Variants in MYO19 observed in about 807,000 individuals in gnomAD.
MYO19 encodes myosin XIX, also known as unconventional myosin-XIX.
In MYO19, 132 loss-of-function variants were observed where a neutral mutation model predicts 129.2. That is an observed-to-expected ratio of 1.02 (90% CI 0.89 to 1.18). The LOEUF (loss-of-function observed/expected upper bound fraction) is 1.18. MYO19 is among the 50% of genes most tolerant of loss of function. MYO19 has a pLI of 0.00. For synonymous variants in MYO19, 531 were observed against 477.2 expected, an observed-to-expected ratio of 1.11 and a Z score of -1.47; for missense variants, 1,210 against 1,216.7, an observed-to-expected ratio of 0.99 and a Z score of 0.08.
intron 3 of MYO19, among the ~76,000 whole-genome samples, chr17:36,530,088 A>C (rs2073735632): frequency 6.6e-6 from 1 of 152,170 alleles, no homozygotes; most frequent in Non-Finnish European, 1.5e-5. Context: ...CCAGCTGGCC[A>C]TAGTGGCTTA....
intron 3 of MYO19, 51 bp from the exon 4 acceptor site, chr17:36,528,253 A>T: frequency 6.5e-7 from 1 of 1,535,026 alleles, no homozygotes; most frequent in Non-Finnish European, 8.8e-7. Context: ...TCATGCCTAT[A>T]ATCCCAGCAC....
chr17:36,499,155 G>C lies in MYO19; in HGVS notation c.2383C>G (p.Arg795Gly). Residue 795 changes from arginine to glycine, a missense_variant, in exon 24 of 26, where the codon CGT becomes GGT. Transcript: ENST00000614623. ...ATGTGTTTCCGAGTTAACCAGGAACGAATGGCTAAGAGGTTTGCCCAGAAA... is the reference window on the plus strand; with the variant it reads ...ATGTGTTTCCGAGTTAACCAGGAACCAATGGCTAAGAGGTTTGCCCAGAAA... ...RAVMLIQAAI[R>G]SWLTRKHIQR... The C allele has an allele frequency of 6.2e-7, 1 of 1,602,818 alleles. No homozygotes were observed. Among genetic ancestry groups the C allele is most frequent in the Non-Finnish European group, 8.5e-7 (1 of 1,174,142 alleles).
intron 25 of MYO19, chr17:36,497,505 C>T (rs1192572277): frequency 1.0e-6 from 1 of 983,480 alleles, no homozygotes; most frequent in South Asian, 4.7e-5. Context: ...TATTTGCTCT[C>T]AAGTCTTGGG....
chr17:36,529,849 C>G (rs1336900087), intron 3 of MYO19, among the ~76,000 whole-genome samples: 1 of 152,162 alleles, frequency 6.6e-6, no homozygotes, highest in African/African-American at 2.4e-5. Flanking sequence ...TGAATCCTGA[C>G]TCTATCTCTT....
intron 6 of MYO19, among the ~76,000 whole-genome samples, chr17:36,520,007 C>CT (rs35833566): frequency 2.9e-4 from 44 of 151,290 alleles, no homozygotes; most frequent in Middle Eastern, 3.4e-3. Context: ...ACTTTTTTTC[C>CT]TTTTTTTTGA....
chr17:36,508,024 T>C (rs1309801108), intron 14 of MYO19, 100 bp from the exon 15 acceptor site: 19 of 1,309,300 alleles, frequency 1.5e-5, no homozygotes, highest in Admixed American at 3.0e-5. Context: ...CAATGCCTTA[T>C]ACTTGGCAGC....
intron 3 of MYO19, among the ~76,000 whole-genome samples, chr17:36,531,600 GA>G (rs958979919): frequency 3.1e-4 from 46 of 148,842 alleles, no homozygotes; most frequent in Admixed American, 5.3e-4. Context: ...TTTAATAAGA[GA>G]AAAAAAAAGT....
chr17:36,537,355 G>C, upstream of MYO19: 2 of 1,613,768 alleles, frequency 1.2e-6, no homozygotes, highest in Non-Finnish European at 1.7e-6. Flanking sequence ...GAGCTTCTCG[G>C]TGTAATTATC....
chr17:36,509,566 C>T (rs1272080547), intron 13 of MYO19: 1 of 226,274 alleles, frequency 4.4e-6, no homozygotes, highest in Non-Finnish European at 8.9e-6. Context: ...CCCCACCATA[C>T]CCCCTGATGT....
intron 11 of MYO19, chr17:36,512,718 C>G: frequency 7.8e-7 from 1 of 1,289,088 alleles, no homozygotes; most frequent in African/African-American, 1.5e-5. Flanking sequence ...GCATTGCTAC[C>G]TCCCTGAAGT....
intron 6 of MYO19, among the ~76,000 whole-genome samples, chr17:36,520,136 T>C (rs908038521): frequency 5.9e-5 from 9 of 151,892 alleles, no homozygotes; most frequent in African/African-American, 2.2e-4. Flanking sequence ...CACCATGCCC[T>C]GCTAATTTTT....
intron 3 of MYO19, among the ~76,000 whole-genome samples, chr17:36,530,644 A>C (rs1320416022): frequency 7.3e-6 from 1 of 137,042 alleles, no homozygotes; most frequent in African/African-American, 2.7e-5. Context: ...TTTTTGACAC[A>C]GAGTCTCGCT....
upstream of MYO19, chr17:36,539,366 G>C (rs2074183331): frequency 6.0e-6 from 1 of 166,684 alleles, no homozygotes; most frequent in South Asian, 2.1e-4. Flanking sequence ...CTAGGACTAA[G>C]AAGCAAGTGT....
chr17:36,540,798 T>C (rs1158817329), intron 2 of MYO19, among the ~76,000 whole-genome samples: 1 of 152,202 alleles, frequency 6.6e-6, no homozygotes, highest in Admixed American at 6.5e-5. Flanking sequence ...GGCCATAGAT[T>C]GTCTTACCAC....
At chr17:36,507,766 A>G (rs1567746053) in intron 15 of MYO19, 37 bp downstream of exon 15, 2 of 1,555,598 alleles carry the variant, frequency 1.3e-6, no homozygotes, top group Admixed American at 3.8e-5. Flanking sequence ...TGAGGATCCA[A>G]AAGAAGGACC....
chr17:36,533,014 C>CT (rs556541033), intron 2 of MYO19: 57 of 162,318 alleles, frequency 3.5e-4, no homozygotes, highest in African/African-American at 1.3e-3. Context: ...CAGAAATATC[C>CT]TATTTCAGTC....
In MYO19 at chr17:36,498,322, T is replaced by C. The variant is rs2071194626; in HGVS notation, c.2701A>G (p.Thr901Ala). The C allele has an allele frequency of 6.2e-7, 1 of 1,613,982 alleles. No individual in the cohort carries two copies. The highest frequency in any genetic ancestry group is 8.5e-7 in the Non-Finnish European group (1 of 1,179,900). ...GCCTGGTCTTGTGCTGTCTGGACAG[T>C]GTAGCTACTGGGGCTGCCCCTGGGG... ...QLPRGSPSSY[T>A]VQTAQDQAGV... is the part of the protein sequence containing the mutation. The change falls in exon 25 of 26, where the codon ACT becomes GCT. Residue 901 changes from threonine to alanine, a missense_variant. Thr to Ala is a moderately conservative substitution (Grantham distance 58, BLOSUM62 0). Transcript: ENST00000614623.
intron 3 of MYO19, 101 bp downstream of exon 3, chr17:36,532,426 A>C: frequency 7.1e-7 from 1 of 1,404,614 alleles, no homozygotes; most frequent in Non-Finnish European, 9.9e-7. Flanking sequence ...TGAGGAGAGA[A>C]AAGAGACCTT....
At chr17:36,541,647 C>T (rs780062177) in intron 2 of MYO19, among the ~76,000 whole-genome samples, 6 of 152,210 alleles carry the variant, frequency 3.9e-5, no homozygotes, top group Non-Finnish European at 7.3e-5. Flanking sequence ...ATTGCCTTTA[C>T]TTTCCTGGCC....
Sources: allele counts gnomAD v4.1 joint callset (sites outside exome capture counted in the v4.1 genomes callset), GRCh38; gene constraint gnomAD v4.1.1; transcripts MANE v1.5; gene names NCBI Gene and HGNC (gene_info 2026-07-23, HGNC 2026-07-21).